TMEM132D: variants seen among roughly 807,000 people sequenced by gnomAD.
TMEM132D encodes mature OL transmembrane protein.
Under a neutral mutation model 62.3 loss-of-function variants are expected in TMEM132D, and 21 were observed. The observed-to-expected ratio is 0.34, with a 90% confidence interval of 0.24 to 0.49. TMEM132D has a LOEUF of 0.49. Among genes scored for constraint, TMEM132D ranks in the 20% least tolerant of loss-of-function variants. The pLI, the probability that TMEM132D is intolerant of heterozygous loss-of-function variation, is 0.99. For missense variants in TMEM132D, 1,346 were observed against 1,402.8 expected, an observed-to-expected ratio of 0.96 and a Z score of 0.65; for synonymous variants, 621 against 575.6, an observed-to-expected ratio of 1.08 and a Z score of -1.13.
chr12:129,828,340 T>C (rs530677317), intron 1 of TMEM132D, among the ~76,000 whole-genome samples: 2 of 152,300 alleles, frequency 1.3e-5, no homozygotes, highest in South Asian at 2.1e-4. Flanking sequence ...CCTAATGTTA[T>C]ATTGCATACA....
intron 3 of TMEM132D, among the ~76,000 whole-genome samples, chr12:129,440,344 G>C (rs977849696): frequency 2.0e-5 from 3 of 152,190 alleles, no homozygotes; most frequent in African/African-American, 7.2e-5. Flanking sequence ...CAAAAGGCCA[G>C]TTCTGTTTCT....
chr12:129,504,573 CCT>C (rs1875272636), intron 3 of TMEM132D, among the ~76,000 whole-genome samples: 1 of 152,112 alleles, frequency 6.6e-6, no homozygotes, highest in African/African-American at 2.4e-5. Context: ...GTTGTAATAT[CCT>C]CTGTTTCATT....
At chr12:129,623,714 C>CAT (rs1036477808) in intron 2 of TMEM132D, among the ~76,000 whole-genome samples, 2 of 144,870 alleles carry the variant, frequency 1.4e-5, no homozygotes, top group African/African-American at 5.2e-5. Flanking sequence ...CATACATATG[C>CAT]ATATATATAC....
intron 1 of TMEM132D, among the ~76,000 whole-genome samples, chr12:129,817,959 GTATGTGTGTA>G (rs1337818655): frequency 6.8e-6 from 1 of 148,048 alleles, no homozygotes; most frequent in African/African-American, 2.5e-5. Flanking sequence ...GGTGTGAGGT[GTATGTGTGTA>G]TATGTGTGTG....
At chr12:129,881,426 CAAGGT>C (rs1344465235) in intron 1 of TMEM132D, among the ~76,000 whole-genome samples, 1 of 151,800 alleles carries the variant, frequency 6.6e-6, no homozygotes, top group Non-Finnish European at 1.5e-5. Flanking sequence ...AAGCATTGAG[CAAGGT>C]AGACTGCATT....
chr12:129,498,760 T>C (rs973316503), intron 3 of TMEM132D, among the ~76,000 whole-genome samples: 10 of 152,264 alleles, frequency 6.6e-5, no homozygotes, highest in South Asian at 6.2e-4. Context: ...GGTTCTTTGG[T>C]TGCAAGCAAG....
In TMEM132D at chr12:129,088,119, G is replaced by A. The variant is rs1291966961; in HGVS notation, c.1444-3417C>T. 5.7e-4 allele frequency among the ~76,000 whole-genome samples: 17 copies of A among 29,602 alleles called. 1 individual carries two copies. The highest frequency in any genetic ancestry group is 8.3e-4 in the Admixed American group (2 of 2,414). The allele number at this position is 29,602 out of a possible 152,430, so 19.4% of individuals were successfully genotyped here. A position where few individuals can be genotyped will look rare whatever the true frequency, so the allele number is the denominator to read the frequency against. On this transcript the variant is annotated intron_variant, in intron 5 of 8. Transcript: ENST00000422113. ...CCTGACCGGGGTGTCCTCCCTGACC[G>A]GGTGTCCTCCATGACCGGGGTGTCC... is the stretch of plus-strand genomic sequence containing the variant.
At chr12:129,453,365 G>A (rs1030170142) in intron 3 of TMEM132D, among the ~76,000 whole-genome samples, 5 of 152,224 alleles carry the variant, frequency 3.3e-5, no homozygotes, top group East Asian at 1.9e-4. Flanking sequence ...ATTCCCTCCC[G>A]CAGGGTCCCA....
intron 1 of TMEM132D, among the ~76,000 whole-genome samples, chr12:129,862,184 T>C (rs985469529): frequency 6.6e-6 from 1 of 152,198 alleles, no homozygotes; most frequent in East Asian, 1.9e-4. Context: ...ATCAGGTCTG[T>C]CTGGGAAGTG....
At chr12:129,090,039 C>A (rs2135626844) in intron 5 of TMEM132D, among the ~76,000 whole-genome samples, 1 of 152,312 alleles carries the variant, frequency 6.6e-6, no homozygotes, top group Non-Finnish European at 1.5e-5. Context: ...CTATGCAGGC[C>A]CCTTTCACCT....
intron 1 of TMEM132D, among the ~76,000 whole-genome samples, chr12:129,721,488 A>C (rs10847929): frequency 0.82 from 124,658 of 151,776 alleles, 51,787 homozygotes; most frequent in Non-Finnish European, 0.9. Context: ...CCAATGCTAG[A>C]AGGTCCTTGA....
chr12:129,743,606 T>C (rs1869677857), intron 1 of TMEM132D, among the ~76,000 whole-genome samples: 2 of 148,888 alleles, frequency 1.3e-5, no homozygotes, highest in African/African-American at 4.8e-5. Context: ...AATGGACTAA[T>C]GCATCCCCCT....
chr12:129,127,288 T>C (rs186199836), intron 5 of TMEM132D, among the ~76,000 whole-genome samples: 9 of 152,312 alleles, frequency 5.9e-5, no homozygotes, highest in Middle Eastern at 3.4e-3. Context: ...TTGTGGAACA[T>C]TGCGCAAACA....
intron 1 of TMEM132D, among the ~76,000 whole-genome samples, chr12:129,844,297 G>A (rs1297722638): frequency 6.6e-6 from 1 of 152,138 alleles, no homozygotes; most frequent in East Asian, 1.9e-4. Flanking sequence ...GGGGGAAGGA[G>A]AGAGAGCTTG....
At chr12:129,386,816 A>G (rs909466658) in intron 3 of TMEM132D, among the ~76,000 whole-genome samples, 1 of 151,700 alleles carries the variant, frequency 6.6e-6, no homozygotes, top group African/African-American at 2.4e-5. Context: ...ACGAACACCA[A>G]TGCCGATGCC....
At chr12:129,614,445 G>A (rs933342682) in intron 2 of TMEM132D, among the ~76,000 whole-genome samples, 1 of 152,206 alleles carries the variant, frequency 6.6e-6, no homozygotes, top group Non-Finnish European at 1.5e-5. Context: ...ATTTGCAAAG[G>A]AGAAAGATAA....
Position 129,416,365 on chromosome 12 carries a change from G to A in TMEM132D, c.1116-78548C>T, listed in dbSNP as rs1003503893. On this transcript the variant is annotated intron_variant, in intron 3 of 8. Transcript: ENST00000422113. Reference sequence around the variant, plus strand: ...TGATTTGGCTCTCTGTCTATTATTGGTATATAGGAATGCTTGTGATTTTTG... The same window carrying A: ...TGATTTGGCTCTCTGTCTATTATTGATATATAGGAATGCTTGTGATTTTTG... Among the ~76,000 whole-genome samples the A allele has an allele frequency of 4.6e-5, 7 of 152,238 alleles. 2 individuals are homozygous for A. In the East Asian group the frequency reaches 1.4e-3, roughly 29 times the overall value.
chr12:129,674,525 A>G (rs1880581634), intron 2 of TMEM132D, among the ~76,000 whole-genome samples: 1 of 152,024 alleles, frequency 6.6e-6, no homozygotes, highest in South Asian at 2.1e-4. Context: ...TGAACTCTAC[A>G]TATGTTTTAT....
At chr12:129,555,483 G>T (rs919838524) in intron 2 of TMEM132D, among the ~76,000 whole-genome samples, 2 of 152,162 alleles carry the variant, frequency 1.3e-5, no homozygotes, top group Admixed American at 6.5e-5. Flanking sequence ...AAAATAGCTA[G>T]GGAAGCAACC....
Sources: gnomAD v4.1 joint callset for allele counts (sites outside exome capture counted in the v4.1 genomes callset) on GRCh38, gnomAD v4.1.1 for gene constraint, MANE v1.5 for transcripts, NCBI Gene and HGNC (gene_info 2026-07-23, HGNC 2026-07-21) for gene names.